The following FGF13 variants were observed in gnomAD, a reference collection of about 807,000 sequenced individuals.
The protein encoded by FGF13 is fibroblast growth factor homologous factor 2.
Under a neutral mutation model 19.5 loss-of-function variants are expected in FGF13, and 2 were observed. The observed-to-expected ratio is 0.10, with a 90% CI of 0.04 to 0.32. FGF13 has a LOEUF of 0.32. Ranked by LOEUF, FGF13 falls within the 10% of genes least tolerant of loss-of-function variation. The pLI is 1.00. For synonymous variants in FGF13, 72 were observed against 76.9 expected (o/e 0.94, Z 0.33); for missense variants, 113 against 192.7 (o/e 0.59, Z 2.45).
chrX:138,708,958 T>C (rs1272209509), intron 1 of FGF13, 30 bp from the exon 2 acceptor site: 2 of 869,416 alleles, frequency 2.3e-6, no homozygotes, highest in South Asian at 2.3e-5. Context: ...TTGGATCAAT[T>C]GATAAATTGT....
intron 3 of FGF13, among the ~76,000 whole-genome samples, chrX:138,808,228 T>G (rs1173330837): frequency 1.8e-5 from 2 of 111,654 alleles, no homozygotes; most frequent in South Asian, 7.6e-4. Context: ...GAACAGAAAT[T>G]ATAACAAACT....
At chrX:138,731,268 G>A (rs771953115) in intron 1 of FGF13, among the ~76,000 whole-genome samples, 2 of 110,331 alleles carry the variant, frequency 1.8e-5, no homozygotes, top group Non-Finnish European at 3.8e-5. Flanking sequence ...ATTAATTCAC[G>A]TGAAATATTC....
chrX:138,722,764 GA>G (rs2090156553), intron 1 of FGF13, among the ~76,000 whole-genome samples: 1 of 111,061 alleles, frequency 9.0e-6, no homozygotes, highest in African/African-American at 3.3e-5. Context: ...AACAAAATTA[GA>G]AAATGAAAAA....
At chrX:139,137,524 G>C (rs1207673917) in intron 1 of FGF13, among the ~76,000 whole-genome samples, 1 of 111,867 alleles carries the variant, frequency 8.9e-6, no homozygotes, top group Non-Finnish European at 1.9e-5. Context: ...GCATGTACCA[G>C]ATGTACTGCC....
At chrX:138,666,915 GATT>G (rs1462605102) in intron 3 of FGF13, among the ~76,000 whole-genome samples, 1 of 109,760 alleles carries the variant, frequency 9.1e-6, no homozygotes, top group African/African-American at 3.3e-5. Context: ...AAACTAAATA[GATT>G]ATTACTATTC....
At chrX:138,694,454 T>TTC (rs1180991805) in intron 3 of FGF13, among the ~76,000 whole-genome samples, 116 of 93,407 alleles carry the variant, frequency 1.2e-3, no homozygotes, top group South Asian at 2.9e-3. Context: ...TTCTTTTCTT[T>TTC]TTTTTTTTTT....
chrX:139,119,260 G>A (rs755099286), intron 1 of FGF13, among the ~76,000 whole-genome samples: 5 of 111,482 alleles, frequency 4.5e-5, no homozygotes, highest in South Asian at 3.8e-4. Flanking sequence ...TTTACCTTTC[G>A]CACTGGGAGC....
chrX:138,862,245 C>T (rs2091292323), intron 2 of FGF13, among the ~76,000 whole-genome samples: 1 of 111,793 alleles, frequency 8.9e-6, no homozygotes, highest in African/African-American at 3.3e-5. Flanking sequence ...TGGCTTCAAG[C>T]TGGAAGCAGT....
At chrX:138,859,958 C>T (rs767092547) in intron 2 of FGF13, among the ~76,000 whole-genome samples, 2 of 111,184 alleles carry the variant, frequency 1.8e-5, no homozygotes, top group African/African-American at 6.5e-5. Flanking sequence ...CCTCGGAAAT[C>T]GTGAACATCT....
In FGF13 at chrX:138,810,880, C is replaced by G. The variant is rs776571230; in HGVS notation, c.217+46632G>C. 3.6e-5 allele frequency among the ~76,000 whole-genome samples: 4 copies of G among 111,884 alleles called. No homozygotes were observed. In the East Asian group the frequency reaches 1.1e-3, roughly 32 times the overall value. On this transcript the variant is annotated intron_variant, in intron 3 of 6. Transcript: ENST00000436198. ...CACTGGCCATCAGAGAAATGCAAATCAAAACCACAATGAGATACCATCTCA... is the reference window on the plus strand; with the variant it reads ...CACTGGCCATCAGAGAAATGCAAATGAAAACCACAATGAGATACCATCTCA...
chrX:138,616,373 T>C lies in FGF13; in HGVS notation c.*16477A>G, dbSNP rs1437594370. The stretch of plus-strand genomic sequence containing the variant: ...TAGGGCAGTCGTTAAAGCTTAAAGT[T>C]CCAAAATGATCTCCTTAGGCTCCAT... On this transcript the variant is annotated 3_prime_UTR_variant, in exon 5 of 5. Coordinates refer to ENST00000315930, the MANE Select transcript of FGF13 (RefSeq NM_004114.5). 8.9e-6 allele frequency: 1 copy of C among 112,564 alleles called. No individual in the cohort carries two copies. The highest frequency in any genetic ancestry group is 1.9e-5 in the Non-Finnish European group (1 of 53,279). 9.3% of individuals were successfully genotyped at this position (112,564 alleles called of 1,213,427 possible).
chrX:138,869,643 C>T (rs2091347557), intron 1 of FGF13, among the ~76,000 whole-genome samples: 1 of 112,426 alleles, frequency 8.9e-6, no homozygotes, highest in African/African-American at 3.2e-5. Flanking sequence ...ATTTCTCTAC[C>T]TATTTGCTGT....
intron 1 of FGF13, among the ~76,000 whole-genome samples, chrX:139,121,183 TG>T (rs761330544): frequency 2.0e-4 from 22 of 112,280 alleles, no homozygotes; most frequent in African/African-American, 6.8e-4. Flanking sequence ...TGTCACAAAA[TG>T]TTAGCAATTC....
chrX:138,799,095 C>T (rs2090805665), intron 3 of FGF13, among the ~76,000 whole-genome samples: 1 of 111,506 alleles, frequency 9.0e-6, no homozygotes, highest in African/African-American at 3.3e-5. Flanking sequence ...TTCTTGTCTT[C>T]TGCTAGCTTT....
At position 139,017,027 on chromosome X, in the gene FGF13, C is replaced by T. The variant is rs879042602; in HGVS notation, c.-112-152377G>A. On this transcript the variant is annotated intron_variant, in intron 1 of 2. Transcript: ENST00000421460. ...GCATTCCTTCAAATGACTTAAATAA[C>T]TACCCATTTTACTCCAGAATATATG... Among the ~76,000 whole-genome samples, 3 of 109,403 alleles carry T rather than the reference C, an allele frequency of 2.7e-5. No homozygotes were observed. The Admixed American group carries it at 3.0e-4, about 11-fold the overall frequency.
At chrX:138,836,950 G>A (rs778781419) in intron 3 of FGF13, among the ~76,000 whole-genome samples, 1 of 108,127 alleles carries the variant, frequency 9.2e-6, no homozygotes, top group Admixed American at 9.9e-5. Context: ...CTGGGGGTCT[G>A]CTCCAGTTTC....
intron 1 of FGF13, among the ~76,000 whole-genome samples, chrX:138,915,404 CTGCT>C (rs2091612986): frequency 8.9e-6 from 1 of 111,875 alleles, no homozygotes; most frequent in Non-Finnish European, 1.9e-5. Flanking sequence ...TTCTTGCTAA[CTGCT>C]TGCTTGAAGG....
At chrX:139,180,869 C>T (rs1014956039) in intron 1 of FGF13, among the ~76,000 whole-genome samples, 2 of 112,146 alleles carry the variant, frequency 1.8e-5, no homozygotes, top group African/African-American at 6.5e-5. Flanking sequence ...AGGTGCCATT[C>T]AGTTCAATAG....
chrX:139,062,754 GA>G (rs1403412771), intron 1 of FGF13, among the ~76,000 whole-genome samples: 3 of 111,929 alleles, frequency 2.7e-5, no homozygotes, highest in Non-Finnish European at 5.6e-5. Flanking sequence ...AAAGTAACTA[GA>G]TGGACTTCTT....
Sources: allele counts gnomAD v4.1 joint callset (sites outside exome capture counted in the v4.1 genomes callset), GRCh38; gene constraint gnomAD v4.1.1; transcripts MANE v1.5; gene names NCBI Gene and HGNC (gene_info 2026-07-23, HGNC 2026-07-21).